Variants in UBOX5 observed in about 807,000 individuals in gnomAD.
UBOX5 encodes the protein U-box domain containing 5, also known as RING finger protein 37.
A neutral mutation model predicts 39.0 loss-of-function variants in UBOX5; 28 were observed. The observed-to-expected ratio is 0.72, with a 90% CI of 0.53 to 0.98. UBOX5 has a LOEUF of 0.98. Ranked by LOEUF, UBOX5 falls within the 50% of genes least tolerant of loss-of-function variation. The probability of loss-of-function intolerance (pLI) is 0.00; values close to 1 mark genes in which losing one functional copy is unlikely to be tolerated. For missense variants in UBOX5, 585 were observed against 674.4 expected (o/e 0.87, Z 1.47); for synonymous variants, 283 against 275.5 (o/e 1.03, Z -0.27).
At chr20:3,151,312 G>T (rs566220248) in intron 1 of UBOX5, among the ~76,000 whole-genome samples, 4 of 152,256 alleles carry the variant, frequency 2.6e-5, no homozygotes, top group Admixed American at 6.5e-5. Flanking sequence ...TGTAAACAAG[G>T]TTTTTTCAGA....
In UBOX5 at chr20:3,147,942, T is replaced by C. The variant is rs3746699; in HGVS notation, c.-42+11824A>G. The C allele has an allele frequency of 7.1e-5, 114 of 1,614,200 alleles. No individual in the cohort carries two copies. The East Asian group carries it at 2.5e-3, about 35-fold the overall frequency. ...ATTCGCTGAGGAGCTATCTCTCCAA[T>C]CTGCTTCATGAAATTGATGTGATCC... On this transcript the variant is annotated intron_variant, in intron 1 of 4. Transcript: ENST00000217173.
At chr20:3,110,694 G>C (rs2066246689) in intron 4 of UBOX5, 1 of 286,314 alleles carries the variant, frequency 3.5e-6, no homozygotes, top group Admixed American at 4.7e-5. Context: ...AAATGTGAGA[G>C]GCGACAAGAG....
rs1006069915 is a variant in UBOX5, at chr20:3,155,346, G to A, written c.-42+4420C>T. On this transcript the variant is annotated intron_variant, in intron 1 of 4. Coordinates refer to ENST00000217173, the MANE Select transcript of UBOX5 (RefSeq NM_014948.4). ...GGAGTTTGAGACCAGCCTGGCCAAC[G>A]TGGCGAAACCACGTCTCTCCTAAAA... Among the ~76,000 whole-genome samples, 4 of 152,124 alleles carry A rather than the reference G, an allele frequency of 2.6e-5. No homozygotes were observed. The East Asian group carries it at 7.7e-4, about 29-fold the overall frequency.
chr20:3,146,251 G>T (rs1021249500), intron 1 of UBOX5, among the ~76,000 whole-genome samples: 5 of 151,778 alleles, frequency 3.3e-5, no homozygotes, highest in East Asian at 1.9e-4. Context: ...TGAGGCAGGA[G>T]AATTGTTTGA....
rs141945805 is a variant in UBOX5 at position 3,148,156 on chromosome 20, C to T, written c.-42+11610G>A. On this transcript the variant is annotated intron_variant, in intron 1 of 4. Coordinates refer to ENST00000217173, the MANE Select transcript of UBOX5 (RefSeq NM_014948.4). ...TGATCAAATCTATATATTTAAGGAT[C>T]AATGATTCCAATTTTTGCATTAGGT... 9 of 1,613,612 alleles carry T rather than the reference C, an allele frequency of 5.6e-6. No homozygotes were observed. In the Admixed American group the frequency reaches 1.3e-4, roughly 24 times the overall value.
At chr20:3,120,501 A>G (rs2066326471) in intron 3 of UBOX5, among the ~76,000 whole-genome samples, 1 of 151,264 alleles carries the variant, frequency 6.6e-6, no homozygotes, top group Non-Finnish European at 1.5e-5. Context: ...ACAAAAACTT[A>G]GCCAGGCGTG....
chr20:3,114,874 G>T (rs2066281308), intron 4 of UBOX5, among the ~76,000 whole-genome samples: 2 of 152,164 alleles, frequency 1.3e-5, no homozygotes, highest in Non-Finnish European at 2.9e-5. Context: ...CTTGAATCCA[G>T]GAGGCGGAGG....
chr20:3,133,599 T>C (rs376052714), intron 1 of UBOX5, among the ~76,000 whole-genome samples: 2 of 152,188 alleles, frequency 1.3e-5, no homozygotes, highest in African/African-American at 4.8e-5. Flanking sequence ...CTCTTGTACC[T>C]ACCACCTAGA....
chr20:3,121,586 T>C lies in UBOX5; in HGVS notation c.1053A>G (p.Ala351=), dbSNP rs775585000. ...HLLGRAQTAL[A]VIPSSIVLPS... is the part of the protein sequence containing the mutation. ...GCAGAACAATGGAAGAAGGGATCAC[T>C]GCCAATGCCGTCTGTGCTCTCCCAA... Residue 351 remains alanine (A), a synonymous_variant, in exon 3 of 5, where the codon GCA becomes GCG. Coordinates refer to ENST00000217173, the MANE Select transcript of UBOX5 (RefSeq NM_014948.4). The C allele has an allele frequency of 2.5e-6, 4 of 1,604,904 alleles. No individual in the cohort carries two copies. In the African/African-American group the frequency reaches 5.4e-5, roughly 21 times the overall value.
At chr20:3,144,238 A>C (rs2066541663) in intron 1 of UBOX5, among the ~76,000 whole-genome samples, 1 of 152,208 alleles carries the variant, frequency 6.6e-6, no homozygotes, top group East Asian at 1.9e-4. Flanking sequence ...ATATTGAAAA[A>C]TAACAAAGTT....
In UBOX5 at chr20:3,109,895, T is replaced by C; in HGVS notation, c.*211A>G. 1.6e-6 allele frequency: 1 copy of C among 624,216 alleles called. No homozygotes were observed. The highest frequency in any genetic ancestry group is 2.8e-6 in the Non-Finnish European group (1 of 361,626). 38.7% of individuals were successfully genotyped at this position (624,216 alleles called of 1,614,324 possible). A position where few individuals can be genotyped will look rare whatever the true frequency, so the allele number is the denominator to read the frequency against. On this transcript the variant is annotated 3_prime_UTR_variant, in exon 5 of 5. Transcript: ENST00000217173. ...GGGGGGTGGCAGGGAGGCAGGGACATCCCCCCGCCCTCTGGCCTATGGCTT... is the reference window on the plus strand; with the variant it reads ...GGGGGGTGGCAGGGAGGCAGGGACACCCCCCCGCCCTCTGGCCTATGGCTT...
chr20:3,150,908 A>T (rs2066617485), intron 1 of UBOX5: 1 of 152,064 alleles, frequency 6.6e-6, no homozygotes, highest in South Asian at 2.1e-4. Flanking sequence ...TTTTTGAGAC[A>T]GTCTCACTCT....
chr20:3,127,989 C>G (rs192641338), intron 1 of UBOX5, among the ~76,000 whole-genome samples: 141 of 152,328 alleles, frequency 9.3e-4, no homozygotes, highest in Admixed American at 1.6e-3. Flanking sequence ...GAGGCACATA[C>G]ACCTTTGCTT....
At chr20:3,147,243 C>T in intron 1 of UBOX5, 1 of 1,614,168 alleles carries the variant, frequency 6.2e-7, no homozygotes, top group Non-Finnish European at 8.5e-7. Flanking sequence ...ACATTTTCAG[C>T]CGGCGTGGCT....
chr20:3,143,562 G>A (rs180745963), intron 1 of UBOX5, among the ~76,000 whole-genome samples: 43 of 152,226 alleles, frequency 2.8e-4, no homozygotes, highest in Non-Finnish European at 4.4e-5. Context: ...TTGGGAGGCC[G>A]AGGTGGGTGG....
chr20:3,153,292 T>G (rs1351487055), intron 1 of UBOX5, among the ~76,000 whole-genome samples: 1 of 152,248 alleles, frequency 6.6e-6, no homozygotes, highest in East Asian at 1.9e-4. Context: ...CTTTTTGATT[T>G]GTAAAAACAC....
intron 1 of UBOX5, chr20:3,150,718 G>C (rs1373294924): frequency 2.0e-5 from 3 of 152,190 alleles, no homozygotes; most frequent in Admixed American, 2.0e-4. Context: ...TCATCATTTA[G>C]TTCATCAAAG....
chr20:3,147,552 T>C, intron 1 of UBOX5: 1 of 1,614,198 alleles, frequency 6.2e-7, no homozygotes, highest in Non-Finnish European at 8.5e-7. Flanking sequence ...AGGTCAAACT[T>C]AGTTCTCTCC....
In UBOX5 at chr20:3,122,210, G is replaced by A. The variant is rs1208153928; in HGVS notation, c.429C>T (p.Gly143=). ...GGGAGGGGAGTGTGGCTTCCATCGC[G>A]CCAAAAGGGGGCCTGGCCTTGAAGC... The part of the protein sequence containing the change: ...HRGFKARPPF[G]AMEATLPSPA... Residue 143 remains glycine (G), a synonymous_variant, in exon 3 of 5, where the codon GGC becomes GGT. Coordinates refer to ENST00000217173, the MANE Select transcript of UBOX5 (RefSeq NM_014948.4). 10 of 1,614,088 alleles carry A rather than the reference G, an allele frequency of 6.2e-6. No individual in the cohort carries two copies. Among genetic ancestry groups the A allele is most frequent in the South Asian group, 2.2e-5 (2 of 91,094 alleles).
Sources: allele counts gnomAD v4.1 joint callset (sites outside exome capture counted in the v4.1 genomes callset), GRCh38; gene constraint gnomAD v4.1.1; transcripts MANE v1.5; gene names NCBI Gene and HGNC (gene_info 2026-07-23, HGNC 2026-07-21).